Variants in SRPX observed in about 807,000 individuals in gnomAD.
SRPX encodes sushi repeat-containing protein SRPX.
SRPX carries 24 observed loss-of-function variants against 38.1 expected under a neutral mutation model. That is an observed-to-expected ratio of 0.63 (90% CI 0.46 to 0.89). The LOEUF is 0.89. Ranked by LOEUF, SRPX falls within the 40% of genes least tolerant of loss-of-function variation. The pLI is 0.00. For synonymous variants in SRPX, 184 were observed against 153.8 expected (o/e 1.20, Z -1.45); for missense variants, 416 against 377.8 (o/e 1.10, Z -0.84).
chrX:38,149,525 T>C lies in SRPX; in HGVS notation c.*186A>G. ...AGAAAGAGTAAATATGGTCATATAA[T>C]TTTTTGAAACACTTCCAAGTACAAA... On this transcript the variant is annotated 3_prime_UTR_variant, in exon 10 of 10. Coordinates refer to ENST00000378533, the MANE Select transcript of SRPX (RefSeq NM_006307.5). 1 of 418,075 alleles carries C rather than the reference T, an allele frequency of 2.4e-6. No individual in the cohort carries two copies. 34.5% of individuals were successfully genotyped at this position (418,075 alleles called of 1,213,427 possible).
At chrX:38,198,459 C>T (rs1393416079) in intron 1 of SRPX, among the ~76,000 whole-genome samples, 1 of 112,466 alleles carries the variant, frequency 8.9e-6, no homozygotes, top group African/African-American at 3.2e-5. Flanking sequence ...ATTTATCACA[C>T]ATATTGTTGG....
At chrX:38,173,540 C>T (rs1047496283) in intron 3 of SRPX, among the ~76,000 whole-genome samples, 11 of 111,041 alleles carry the variant, frequency 9.9e-5, no homozygotes, top group African/African-American at 3.6e-4. Context: ...ACCTCCGCCT[C>T]CCGGGTTCTA....
intron 7 of SRPX, 87 bp downstream of exon 7, chrX:38,159,930 T>C (rs910390969): frequency 9.7e-7 from 1 of 1,031,278 alleles, no homozygotes; most frequent in Non-Finnish European, 1.3e-6. Flanking sequence ...CTTCTCAAAG[T>C]ATATGAAGGG....
chrX:38,172,154 T>A, intron 3 of SRPX, 97 bp from the exon 4 acceptor site: 1 of 963,275 alleles, frequency 1.0e-6, no homozygotes. Flanking sequence ...AGGTGAAAAG[T>A]TAATTTAAAT....
chrX:38,214,758 T>G (rs1351826455), intron 1 of SRPX, among the ~76,000 whole-genome samples: 1 of 111,308 alleles, frequency 9.0e-6, no homozygotes, highest in Admixed American at 9.5e-5. Context: ...ATGTAGCCGC[T>G]CCACCGCTTC....
chrX:38,199,262 C>G (rs1939061625), intron 1 of SRPX, among the ~76,000 whole-genome samples: 1 of 111,442 alleles, frequency 9.0e-6, no homozygotes, highest in Admixed American at 9.5e-5. Context: ...AAAAATTAGC[C>G]AGGCGTGGTG....
intron 3 of SRPX, among the ~76,000 whole-genome samples, chrX:38,172,858 C>G (rs947251257): frequency 8.9e-6 from 1 of 112,789 alleles, no homozygotes; most frequent in East Asian, 2.8e-4. Context: ...ACAGGAGATG[C>G]TTTCTCTTGT....
intron 1 of SRPX, among the ~76,000 whole-genome samples, chrX:38,205,468 G>A (rs952982479): frequency 9.0e-6 from 1 of 111,593 alleles, no homozygotes; most frequent in Non-Finnish European, 1.9e-5. Context: ...GTCTTTGGAA[G>A]AGAAGTTTTT....
chrX:38,205,023 G>A (rs574913481), intron 1 of SRPX, among the ~76,000 whole-genome samples: 5 of 111,425 alleles, frequency 4.5e-5, no homozygotes, highest in South Asian at 7.7e-4. Context: ...AGACACCCAC[G>A]TCCACTTGAG....
At chrX:38,213,665 A>G (rs753945675) in intron 1 of SRPX, among the ~76,000 whole-genome samples, 9 of 111,799 alleles carry the variant, frequency 8.1e-5, no homozygotes, top group Non-Finnish European at 1.7e-4. Context: ...AGACTGGGTA[A>G]TTTATAAAGA....
intron 1 of SRPX, among the ~76,000 whole-genome samples, chrX:38,180,763 T>G: frequency 8.9e-6 from 1 of 112,247 alleles, no homozygotes; most frequent in Non-Finnish European, 1.9e-5. Context: ...CAAGAAATGG[T>G]CAATCATATT....
chrX:38,152,906 T>C (rs1462036957), intron 9 of SRPX, among the ~76,000 whole-genome samples: 1 of 111,640 alleles, frequency 9.0e-6, no homozygotes, highest in Non-Finnish European at 1.9e-5. Flanking sequence ...TCACCATAAA[T>C]ATTTAGATAT....
chrX:38,184,101 C>T (rs1412756285), intron 1 of SRPX, among the ~76,000 whole-genome samples: 2 of 111,456 alleles, frequency 1.8e-5, no homozygotes, highest in Non-Finnish European at 3.8e-5. Flanking sequence ...GAAATTACAT[C>T]AGGAGACTAG....
At chrX:38,207,983 G>A (rs867615119) in intron 1 of SRPX, among the ~76,000 whole-genome samples, 1 of 111,657 alleles carries the variant, frequency 9.0e-6, no homozygotes, top group African/African-American at 3.3e-5. Context: ...CAATGTGGGC[G>A]CTATGGGCAT....
At chrX:38,181,915 G>C (rs750515405) in intron 1 of SRPX, among the ~76,000 whole-genome samples, 2 of 110,176 alleles carry the variant, frequency 1.8e-5, no homozygotes, top group Non-Finnish European at 3.8e-5. Context: ...TGTGAACATA[G>C]ATGAGTAAGG....
At chrX:38,192,620 A>G (rs947033154) in intron 1 of SRPX, among the ~76,000 whole-genome samples, 1 of 112,768 alleles carries the variant, frequency 8.9e-6, no homozygotes, top group Non-Finnish European at 1.9e-5. Flanking sequence ...CCAGATGCAA[A>G]CACAAATTAC....
chrX:38,211,046 CA>C (rs1458573293), intron 1 of SRPX, among the ~76,000 whole-genome samples: 1 of 112,147 alleles, frequency 8.9e-6, no homozygotes, highest in East Asian at 2.8e-4. Flanking sequence ...TGGACTCTGT[CA>C]CAACTATTCA....
chrX:38,163,635 T>C (rs1938306295), intron 5 of SRPX, among the ~76,000 whole-genome samples: 1 of 111,948 alleles, frequency 8.9e-6, no homozygotes, highest in African/African-American at 3.2e-5. Context: ...TGCTTCTCAT[T>C]GTGATTGGTA....
At chrX:38,185,900 G>C (rs895961289) in intron 1 of SRPX, among the ~76,000 whole-genome samples, 3 of 97,631 alleles carry the variant, frequency 3.1e-5, no homozygotes, top group Admixed American at 1.1e-4. Context: ...AAAAAAAAAG[G>C]GGGGGGGGAG....
Sources: gnomAD v4.1 joint callset for allele counts (sites outside exome capture counted in the v4.1 genomes callset) on GRCh38, gnomAD v4.1.1 for gene constraint, MANE v1.5 for transcripts, NCBI Gene and HGNC (gene_info 2026-07-23, HGNC 2026-07-21) for gene names.